RASSF2: variants seen among roughly 807,000 people sequenced by gnomAD.
RASSF2 encodes the protein ras association domain-containing protein 2.
A neutral mutation model predicts 46.3 loss-of-function variants in RASSF2; 34 were observed. The observed-to-expected ratio is 0.73, with a 90% confidence interval of 0.56 to 0.98. The LOEUF is 0.98. Ranked by LOEUF, RASSF2 falls within the 50% of genes least tolerant of loss-of-function variation. The pLI is 0.00. For missense variants in RASSF2, 364 were observed against 431.2 expected (o/e 0.84, Z 1.38); for synonymous variants, 158 against 162.5 (o/e 0.97, Z 0.21).
chr20:4,786,973 C>T (rs113459963), intron 10 of RASSF2, among the ~76,000 whole-genome samples: 2 of 151,702 alleles, frequency 1.3e-5, no homozygotes, highest in Admixed American at 6.6e-5. Context: ...GTCCCAGCTA[C>T]GCAGGGGTCT....
In RASSF2 at chr20:4,812,655, T is replaced by G. The variant is rs12626116; in HGVS notation, c.-33+9674A>C. ...GGGGTCTGAGAAGGTGCAGTTCTAA[T>G]AAGCGCCCAGGGCTGCTGCTGATGC... On this transcript the variant is annotated intron_variant, in intron 2 of 11. Transcript: ENST00000379400. The surrounding 1 kb of genome is among the most constrained non-coding windows in gnomAD (Gnocchi z 4.0). Among the ~76,000 whole-genome samples the G allele has an allele frequency of 0.011, 1,732 of 152,332 alleles. 95 individuals are homozygous for G. Among genetic ancestry groups the G allele is most frequent in the East Asian group, 0.11 (587 of 5,180 alleles).
chr20:4,798,354 T>C (rs1926544435), intron 3 of RASSF2, among the ~76,000 whole-genome samples: 1 of 152,138 alleles, frequency 6.6e-6, no homozygotes, highest in African/African-American at 2.4e-5. Context: ...AAGGCAGGCC[T>C]CGTCTACCGA....
intron 8 of RASSF2, 55 bp downstream of exon 8, chr20:4,789,541 A>T: frequency 4.8e-6 from 7 of 1,445,878 alleles, no homozygotes; most frequent in African/African-American, 1.4e-5. Context: ...CCACTCTAGG[A>T]GTCCCAAGGC....
rs764238063 is a variant in RASSF2, at chr20:4,786,226, C to T, written c.911+5G>A. ...TGCACCCAGTGCCCCAGAAGCCACA[C>T]TTACTTGCGCATCAGCTTCTTTACT... is the stretch of plus-strand genomic sequence containing the variant. On this transcript the variant is annotated splice_donor_5th_base_variant and intron_variant, in intron 11 of 11. Transcript: ENST00000379400. The T allele has an allele frequency of 6.2e-7, 1 of 1,602,764 alleles. No homozygotes were observed. The highest frequency in any genetic ancestry group is 1.3e-5 in the African/African-American group (1 of 74,644).
intron 2 of RASSF2, among the ~76,000 whole-genome samples, chr20:4,813,134 G>T (rs116171522): frequency 6.6e-6 from 1 of 152,002 alleles, no homozygotes; most frequent in African/African-American, 2.4e-5. Context: ...CACAGGCCCC[G>T]CAGACCATCC....
At position 4,790,487 on chromosome 20, in the gene RASSF2, G is replaced by C; in HGVS notation, c.501C>G (p.His167Gln). 6.6e-7 allele frequency: 1 copy of C among 1,509,040 alleles called. No homozygotes were observed. The highest frequency in any genetic ancestry group is 8.8e-7 in the Non-Finnish European group (1 of 1,132,792). 93.5% of individuals were successfully genotyped at this position (1,509,040 alleles called of 1,614,324 possible). The change falls in exon 7 of 12, where the codon CAC (histidine) becomes CAG (glutamine). Residue 167 changes from histidine to glutamine, a missense_variant. Transcript: ENST00000379400. This position sits in a 1 kb window ranked among gnomAD's most constrained non-coding sequence, Gnocchi z 4.3. ...AGAAATGGCCGTTGATGGAGAAGCG[G>C]TGGCGTCTGATTCGCCGCTGGTCAC... The part of the protein sequence containing the change: ...TPSDQRRIRR[H>Q]RFSINGHFYN...
chr20:4,798,224 A>G, intron 3 of RASSF2, 139 bp from the exon 4 acceptor site: 1 of 1,341,974 alleles, frequency 7.5e-7, no homozygotes, highest in Non-Finnish European at 1.0e-6. Context: ...ATACACACAC[A>G]TGCACATGCA....
At position 4,787,894 on chromosome 20, in the gene RASSF2, G is replaced by A. The variant is rs994115321; in HGVS notation, c.692-140C>T. On this transcript the variant is annotated intron_variant, in intron 9 of 11. Coordinates refer to ENST00000379400, the MANE Select transcript of RASSF2 (RefSeq NM_014737.3). ...GATTTATAAGTGAACTATTCCATAG[G>A]TGTTGTGAAAAGCAACTTCCTCCCA... The A allele has an allele frequency of 3.5e-6, 4 of 1,132,878 alleles. No homozygotes were observed. In the African/African-American group the frequency reaches 6.3e-5, roughly 18 times the overall value. 70.2% of individuals were successfully genotyped at this position (1,132,878 alleles called of 1,614,324 possible). A position where few individuals can be genotyped will look rare whatever the true frequency, so the allele number is the denominator to read the frequency against.
Position 4,784,124 on chromosome 20 carries a change from C to T in RASSF2, c.*149G>A. 1 of 745,202 alleles carries T rather than the reference C, an allele frequency of 1.3e-6. No individual in the cohort carries two copies. 46.2% of individuals were successfully genotyped at this position (745,202 alleles called of 1,614,324 possible). A position where few individuals can be genotyped will look rare whatever the true frequency, so the allele number is the denominator to read the frequency against. On this transcript the variant is annotated 3_prime_UTR_variant, in exon 12 of 12. Coordinates refer to ENST00000379400, the MANE Select transcript of RASSF2 (RefSeq NM_014737.3). ...ATAGGGAGCTGTCTGCTGACTTCTA[C>T]ATCCAGCTCCAGGTAGCAAATGATG...
chr20:4,821,019 C>T (rs1254303505), intron 2 of RASSF2, among the ~76,000 whole-genome samples: 1 of 152,150 alleles, frequency 6.6e-6, no homozygotes, highest in Non-Finnish European at 1.5e-5. Context: ...TCTGAGGCAG[C>T]AGATGCACAC....
In RASSF2 at chr20:4,788,281, CA is replaced by C. The variant is rs752665472; in HGVS notation, c.640-14del. 2 of 1,603,168 alleles carry C rather than the reference CA, an allele frequency of 1.2e-6. No homozygotes were observed. Among genetic ancestry groups the C allele is most frequent in the Non-Finnish European group, 1.7e-6 (2 of 1,170,172 alleles). On this transcript the variant is annotated splice_polypyrimidine_tract_variant and intron_variant, in intron 8 of 11. Transcript: ENST00000379400. ...CTGAATTCTCAATCTGAAGCAGGAG[CA>C]AAAGATTCTTGTTGAAAGTTTCTAT...
intron 2 of RASSF2, among the ~76,000 whole-genome samples, chr20:4,814,670 C>T (rs771268125): frequency 9.2e-5 from 14 of 152,140 alleles, no homozygotes; most frequent in Non-Finnish European, 1.3e-4. Context: ...GCAGTCATTG[C>T]GGCATATCTG....
intron 6 of RASSF2, among the ~76,000 whole-genome samples, chr20:4,792,040 C>T (rs1925921165): frequency 6.6e-6 from 1 of 152,012 alleles, no homozygotes; most frequent in Non-Finnish European, 1.5e-5. Context: ...CACTTGAAGC[C>T]AGGAGTTCAA....
chr20:4,800,820 C>A, intron 3 of RASSF2, 152 bp downstream of exon 3: 1 of 694,302 alleles, frequency 1.4e-6, no homozygotes, highest in South Asian at 1.6e-5. Flanking sequence ...TCTTACAAGT[C>A]CAAGTTCAGC....
intron 8 of RASSF2, 26 bp downstream of exon 8, chr20:4,789,570 G>C (rs1925680569): frequency 6.3e-7 from 1 of 1,591,676 alleles, no homozygotes; most frequent in African/African-American, 1.3e-5. Context: ...GACCCCATCT[G>C]TGGCCACTCA....
intron 11 of RASSF2, 87 bp from the exon 12 acceptor site, chr20:4,784,429 G>T (rs746561823): frequency 9.6e-5 from 120 of 1,254,852 alleles, no homozygotes; most frequent in Admixed American, 4.1e-4. Flanking sequence ...TAACACCAAG[G>T]TCACACCAGG....
At chr20:4,823,089 G>T (rs1034990602) in intron 1 of RASSF2, among the ~76,000 whole-genome samples, 2 of 152,320 alleles carry the variant, frequency 1.3e-5, no homozygotes, top group Middle Eastern at 3.4e-3. Flanking sequence ...GGCCCCTGGC[G>T]GGGGTCCGCG....
intron 3 of RASSF2, among the ~76,000 whole-genome samples, chr20:4,798,962 C>T (rs755850223): frequency 1.3e-5 from 2 of 151,842 alleles, no homozygotes; most frequent in Admixed American, 6.6e-5. Context: ...CACAACTACA[C>T]GCATGTGTGT....
rs1926264842 is a variant in RASSF2 at position 4,795,557 on chromosome 20, C to T, written c.287+258G>A. On this transcript the variant is annotated intron_variant, in intron 5 of 11. Transcript: ENST00000379400. This position sits in a 1 kb window ranked among gnomAD's most constrained non-coding sequence, Gnocchi z 4.0. ...TTCTCCCTAAGGGAGGACTCTGACT[C>T]AGCAGCTCCCCTCGTATGACTCAGC... The T allele has an allele frequency of 2.7e-6, 1 of 376,114 alleles. No individual in the cohort carries two copies. Among genetic ancestry groups the T allele is most frequent in the Non-Finnish European group, 4.8e-6 (1 of 207,468 alleles). The allele number at this position is 376,114 out of a possible 1,614,324, so 23.3% of individuals were successfully genotyped here.
Sources: allele counts gnomAD v4.1 joint callset (sites outside exome capture counted in the v4.1 genomes callset), GRCh38; gene constraint gnomAD v4.1.1; non-coding constraint Gnocchi (gnomAD v3.1); transcripts MANE v1.5; gene names NCBI Gene and HGNC (gene_info 2026-07-23, HGNC 2026-07-21).